The following CLIC6 variants were observed in gnomAD, a reference collection of about 807,000 sequenced individuals.
The protein encoded by CLIC6 is CLIC family member 6.
In CLIC6, 39 loss-of-function variants were observed where a neutral mutation model predicts 49.2. The observed-to-expected ratio is 0.79, with a 90% CI of 0.61 to 1.04. The LOEUF (loss-of-function observed/expected upper bound fraction) is 1.04, where lower values mean the gene tolerates loss of function less well. Among genes scored for constraint, CLIC6 ranks in the 50% least tolerant of loss-of-function variants. The pLI, the probability that CLIC6 is intolerant of heterozygous loss-of-function variation, is 0.00. For missense variants in CLIC6, 988 were observed against 993.1 expected, an observed-to-expected ratio of 0.99 and a Z score of 0.07; for synonymous variants, 446 against 433.4, an observed-to-expected ratio of 1.03 and a Z score of -0.36.
At position 34,670,659 on chromosome 21, in the gene CLIC6, A is replaced by G; in HGVS notation, c.1271A>G (p.Glu424Gly). ...SNHLAEEGPA[E>G]GSGEAARVNG... is the part of the protein sequence containing the mutation. The stretch of plus-strand genomic sequence containing the variant: ...CACCTGGCCGAGGAGGGCCCCGCCG[A>G]GGGTAGCGGCGAGGCCGCGCGCGTG... The change falls in exon 1 of 6, where the codon GAG becomes GGG. Residue 424 changes from glutamate (E) to glycine (G), a missense_variant. Around this residue, in one of 3 missense-constraint regions of CLIC6, gnomAD observed 647 missense variants for 596.9 expected, o/e 1.08. Transcript: ENST00000349499. 1 of 1,567,476 alleles carries G rather than the reference A, an allele frequency of 6.4e-7. No individual in the cohort carries two copies. Among genetic ancestry groups the G allele is most frequent in the South Asian group, 1.2e-5 (1 of 86,314 alleles).
Position 34,709,213 on chromosome 21 carries a change from T to C in CLIC6, c.1718-144T>C, listed in dbSNP as rs1477829162. ...AGGAGTGAGCCCTTTATTCAGATAT[T>C]CTACATCCACCTGCTGCCTTCCCAG... On this transcript the variant is annotated intron_variant, in intron 4 of 5. Transcript: ENST00000349499. 6.1e-6 allele frequency: 4 copies of C among 654,326 alleles called. No individual in the cohort carries two copies. In the African/African-American group the frequency reaches 7.3e-5, roughly 12 times the overall value. 40.5% of individuals were successfully genotyped at this position (654,326 alleles called of 1,614,324 possible). A position where few individuals can be genotyped will look rare whatever the true frequency, so the allele number is the denominator to read the frequency against.
intron 1 of CLIC6, among the ~76,000 whole-genome samples, chr21:34,703,366 T>C (rs62213847): frequency 0.41 from 62,567 of 151,900 alleles, 14,564 homozygotes; most frequent in African/African-American, 0.64. Flanking sequence ...AGGGGGTGGC[T>C]TGCTCTGGTG....
chr21:34,682,617 G>A (rs16992145), intron 1 of CLIC6, among the ~76,000 whole-genome samples: 2 of 151,952 alleles, frequency 1.3e-5, no homozygotes, highest in African/African-American at 4.8e-5. Flanking sequence ...ACTTGAAAAT[G>A]TATCCTTTTA....
chr21:34,701,990 T>C (rs935792305), intron 1 of CLIC6, among the ~76,000 whole-genome samples: 1 of 151,898 alleles, frequency 6.6e-6, no homozygotes, highest in African/African-American at 2.4e-5. Flanking sequence ...TAGTGAGAAT[T>C]TGTGAACTTC....
At chr21:34,694,944 T>C (rs1990065155) in intron 1 of CLIC6, among the ~76,000 whole-genome samples, 1 of 152,274 alleles carries the variant, frequency 6.6e-6, no homozygotes, top group Admixed American at 6.5e-5. Flanking sequence ...GTTGACCTGC[T>C]GAACTGTGCT....
intron 1 of CLIC6, among the ~76,000 whole-genome samples, chr21:34,691,732 A>G (rs981660757): frequency 8.5e-5 from 13 of 152,292 alleles, no homozygotes; most frequent in African/African-American, 3.1e-4. Context: ...GCTCCTTTAC[A>G]AGCAATTTTG....
At chr21:34,678,267 T>G (rs1348116168) in intron 1 of CLIC6, among the ~76,000 whole-genome samples, 1 of 125,006 alleles carries the variant, frequency 8.0e-6, no homozygotes, top group Non-Finnish European at 1.7e-5. Flanking sequence ...CCGTCTCTAC[T>G]AAAAATACAA....
At chr21:34,697,041 T>C (rs1990100715) in intron 1 of CLIC6, among the ~76,000 whole-genome samples, 1 of 152,088 alleles carries the variant, frequency 6.6e-6, no homozygotes, top group African/African-American at 2.4e-5. Flanking sequence ...CAGAGATTCT[T>C]GCTTTTCTCT....
chr21:34,683,100 C>T (rs373500027), intron 1 of CLIC6, among the ~76,000 whole-genome samples: 10 of 151,564 alleles, frequency 6.6e-5, no homozygotes, highest in Non-Finnish European at 1.2e-4. Context: ...CGTGAGCCAC[C>T]GCGCCTGGCC....
chr21:34,700,289 T>C (rs1990162524), intron 1 of CLIC6, among the ~76,000 whole-genome samples: 1 of 125,470 alleles, frequency 8.0e-6, no homozygotes, highest in African/African-American at 3.8e-5. Flanking sequence ...CTACTAAAAA[T>C]ACAAAAAATT....
intron 1 of CLIC6, among the ~76,000 whole-genome samples, chr21:34,684,682 A>G (rs578030857): frequency 1.3e-5 from 2 of 152,358 alleles, no homozygotes; most frequent in African/African-American, 4.8e-5. Context: ...GGCACATGAA[A>G]GATTATTTCC....
chr21:34,706,213 G>A (rs1005965294), intron 1 of CLIC6: 2 of 510,678 alleles, frequency 3.9e-6, no homozygotes, highest in African/African-American at 1.9e-5. Context: ...GGGCAAAGGG[G>A]GAGCAGGCAC....
chr21:34,687,527 C>G (rs1048998653), intron 1 of CLIC6, among the ~76,000 whole-genome samples: 2 of 152,040 alleles, frequency 1.3e-5, no homozygotes, highest in Admixed American at 6.6e-5. Context: ...TGGCAAATAC[C>G]AGTTTGTTTG....
chr21:34,702,940 C>T (rs941280008), intron 1 of CLIC6, among the ~76,000 whole-genome samples: 1 of 152,218 alleles, frequency 6.6e-6, no homozygotes, highest in African/African-American at 2.4e-5. Context: ...CTGTCTCTGA[C>T]TCTGGCCTCC....
intron 1 of CLIC6, among the ~76,000 whole-genome samples, chr21:34,674,632 G>A (rs937003991): frequency 2.6e-5 from 4 of 152,150 alleles, no homozygotes; most frequent in East Asian, 1.9e-4. Context: ...AGCCAAGAAA[G>A]GTCTTAAATT....
rs142881383 is a variant in CLIC6, at chr21:34,689,338, A to G, written c.1375-17942A>G. Reference sequence around the variant, plus strand: ...CCCCACAGGTGCGTGTTGACATTGGAGAAGCCCAGGTGAACTGGTGTTCGA... The same window carrying G: ...CCCCACAGGTGCGTGTTGACATTGGGGAAGCCCAGGTGAACTGGTGTTCGA... On this transcript the variant is annotated intron_variant, in intron 1 of 5. Transcript: ENST00000349499. 1.8e-3 allele frequency among the ~76,000 whole-genome samples: 270 copies of G among 152,308 alleles called. 2 individuals carry two copies. The highest frequency in any genetic ancestry group is 6.4e-3 in the African/African-American group (265 of 41,578).
chr21:34,670,424 G>A lies in CLIC6; in HGVS notation c.1036G>A (p.Ala346Thr). 1 of 1,461,414 alleles carries A rather than the reference G, an allele frequency of 6.8e-7. No homozygotes were observed. The highest frequency in any genetic ancestry group is 2.6e-5 in the East Asian group (1 of 38,838). 90.5% of individuals were successfully genotyped at this position (1,461,414 alleles called of 1,614,324 possible). Residue 346 changes from alanine (A) to threonine (T), a missense_variant, in exon 1 of 6, where the codon GCC becomes ACC. Ala to Thr is a moderately conservative substitution (Grantham distance 58, BLOSUM62 0). This residue lies in a region of CLIC6 where 647 missense variants were observed against 596.9 expected (regional missense o/e 1.08). Coordinates refer to ENST00000349499, the MANE Select transcript of CLIC6 (RefSeq NM_053277.3). ...VPGVKGSEEA[A>T]PGDARADAGE... The stretch of plus-strand genomic sequence containing the variant: ...GGGGGTAAAGGGGTCCGAAGAAGCG[G>A]CCCCCGGGGACGCAAGGGCAGACGC...
chr21:34,711,861 C>A (rs2056058821), intron 5 of CLIC6, among the ~76,000 whole-genome samples: 1 of 152,126 alleles, frequency 6.6e-6, no homozygotes. Context: ...GCATCTCCAC[C>A]CCTCAAAACC....
intron 1 of CLIC6, among the ~76,000 whole-genome samples, chr21:34,704,524 C>T (rs964995623): frequency 9.9e-5 from 15 of 152,150 alleles, no homozygotes; most frequent in African/African-American, 3.4e-4. Context: ...CATGCTGGGT[C>T]GGGACACAGT....
Sources: gnomAD v4.1 joint callset for allele counts (sites outside exome capture counted in the v4.1 genomes callset) on GRCh38, gnomAD v4.1.1 for gene constraint, gnomAD v4.1.1 regional missense constraint, MANE v1.5 for transcripts, NCBI Gene and HGNC (gene_info 2026-07-23, HGNC 2026-07-21) for gene names.